NAV1: variants seen among roughly 807,000 people sequenced by gnomAD.
The protein encoded by NAV1 is pore membrane and/or filament interacting like protein 3.
In NAV1, 18 loss-of-function variants were observed where a neutral mutation model predicts 175.2. That is an observed-to-expected ratio of 0.10 (90% confidence interval 0.07 to 0.15). The LOEUF (loss-of-function observed/expected upper bound fraction) is 0.15. Ranked by LOEUF, NAV1 falls within the 10% of genes least tolerant of loss-of-function variation. The pLI is 1.00. For synonymous variants in NAV1, 897 were observed against 978.7 expected (o/e 0.92, Z 1.56); for missense variants, 1,731 against 2,436.6 (o/e 0.71, Z 6.10).
upstream of NAV1, among the ~76,000 whole-genome samples, chr1:201,620,307 C>T (rs1289826145): frequency 1.3e-5 from 2 of 152,184 alleles, no homozygotes; most frequent in Non-Finnish European, 2.9e-5. Flanking sequence ...TTGTCTTCAT[C>T]TTCATCCAAT....
intron 2 of NAV1, among the ~76,000 whole-genome samples, chr1:201,608,560 C>T (rs1208348157): frequency 1.3e-5 from 2 of 152,174 alleles, no homozygotes; most frequent in African/African-American, 4.8e-5. Context: ...CTGGGTCTGC[C>T]CAGCATGACA....
chr1:201,809,814 T>C, intron 22 of NAV1, 132 bp from the exon 27 acceptor site: 2 of 933,944 alleles, frequency 2.1e-6, no homozygotes, highest in South Asian at 1.7e-5. Flanking sequence ...TATGGAGAAA[T>C]GCTACCTAGG....
chr1:201,649,443 GC>G lies in NAV1; in HGVS notation c.757+22del, dbSNP rs1466431241. On this transcript the variant is annotated intron_variant, in intron 1 of 29. Coordinates refer to ENST00000367296, the Ensembl canonical transcript of NAV1. ...GATGCTGGGTAAGTCCTGCCGCCCC[GC>G]CCCGCCCCGCCCCTGGCTTTCTCCT... 2 of 753,666 alleles carry G rather than the reference GC, an allele frequency of 2.7e-6. No homozygotes were observed. Among genetic ancestry groups the G allele is most frequent in the Non-Finnish European group, 4.2e-6 (2 of 481,306 alleles). The allele number at this position is 753,666 out of a possible 1,614,324, so 46.7% of individuals were successfully genotyped here. A position where few individuals can be genotyped will look rare whatever the true frequency, so the allele number is the denominator to read the frequency against.
In NAV1 at chr1:201,790,674, C is replaced by A; in HGVS notation, c.3244-15C>A. The A allele has an allele frequency of 6.2e-7, 1 of 1,614,076 alleles. No homozygotes were observed. The highest frequency in any genetic ancestry group is 1.1e-5 in the South Asian group (1 of 91,082). ...CTTCTGCAGCCAGTAGTTTGTATTT[C>A]TCTTCCTTTTACAGCAAATCCGGAA... On this transcript the variant is annotated splice_polypyrimidine_tract_variant and intron_variant, in intron 12 of 29. Transcript: ENST00000367296.
intron 1 of NAV1, among the ~76,000 whole-genome samples, chr1:201,572,137 T>C (rs555187952): frequency 2.6e-5 from 4 of 152,240 alleles, no homozygotes; most frequent in South Asian, 2.1e-4. Flanking sequence ...GGAGAAGTTA[T>C]GGGATTCATC....
chr1:201,613,227 C>A (rs549564639), intron 2 of NAV1, among the ~76,000 whole-genome samples: 2 of 152,188 alleles, frequency 1.3e-5, no homozygotes, highest in African/African-American at 4.8e-5. Context: ...TCTTACTAAC[C>A]CATGCCACAG....
At chr1:201,799,502 G>C (rs1677703752) in intron 15 of NAV1, among the ~76,000 whole-genome samples, 1 of 152,100 alleles carries the variant, frequency 6.6e-6, no homozygotes, top group African/African-American at 2.4e-5. Context: ...AATTCAAAAT[G>C]CACAAGAGGT....
chr1:201,726,672 A>G (rs914855911), intron 3 of NAV1, among the ~76,000 whole-genome samples: 4 of 151,834 alleles, frequency 2.6e-5, no homozygotes, highest in African/African-American at 9.7e-5. Flanking sequence ...AAAAATAGAA[A>G]TCTATTATTC....
chr1:201,671,727 G>T lies in NAV1; in HGVS notation c.757+22302G>T, dbSNP rs560631702. Reference sequence around the variant, plus strand: ...CTCTAGGCAGTGGGCATTTCTCACAGAATCTCCTAGCTATCTGGTCAGCAG... The same window carrying T: ...CTCTAGGCAGTGGGCATTTCTCACATAATCTCCTAGCTATCTGGTCAGCAG... On this transcript the variant is annotated intron_variant, in intron 1 of 29. Transcript: ENST00000367296. Among the ~76,000 whole-genome samples the T allele has an allele frequency of 3.9e-5, 6 of 152,302 alleles. No homozygotes were observed. The East Asian group carries it at 1.2e-3, about 29-fold the overall frequency.
At chr1:201,722,212 G>A (rs1672415507) in intron 3 of NAV1, among the ~76,000 whole-genome samples, 1 of 152,044 alleles carries the variant, frequency 6.6e-6, no homozygotes, top group Non-Finnish European at 1.5e-5. Flanking sequence ...CCAGAATTCT[G>A]TCTTCTCCCC....
intron 1 of NAV1, among the ~76,000 whole-genome samples, chr1:201,584,808 T>C (rs1278240154): frequency 6.6e-6 from 1 of 152,114 alleles, no homozygotes; most frequent in Non-Finnish European, 1.5e-5. Flanking sequence ...CCCTGAGTCA[T>C]CCAGAGAAAG....
intron 3 of NAV1, among the ~76,000 whole-genome samples, chr1:201,752,535 A>G (rs1272233054): frequency 6.6e-6 from 1 of 152,098 alleles, no homozygotes; most frequent in Non-Finnish European, 1.5e-5. Context: ...CAAGAAAGAA[A>G]ACTTCACAAA....
intron 15 of NAV1, among the ~76,000 whole-genome samples, chr1:201,801,010 G>A (rs1571506213): frequency 1.3e-5 from 2 of 152,056 alleles, no homozygotes; most frequent in East Asian, 3.9e-4. Flanking sequence ...GTAATTATTT[G>A]TAGAGATGGG....
At chr1:201,594,497 G>A (rs1019339215) in intron 2 of NAV1, among the ~76,000 whole-genome samples, 4 of 152,218 alleles carry the variant, frequency 2.6e-5, no homozygotes, top group Non-Finnish European at 2.9e-5. Context: ...AGGCGAAGCC[G>A]GGTTAGTCTT....
At chr1:201,791,539 A>C (rs1165285105) in intron 13 of NAV1, 2 of 152,346 alleles carry the variant, frequency 1.3e-5, no homozygotes, top group East Asian at 1.9e-4. Flanking sequence ...AGCTGTAAAC[A>C]ACAGCTGAGC....
At chr1:201,551,999 T>C (rs1354433028) in intron 1 of NAV1, among the ~76,000 whole-genome samples, 1 of 152,138 alleles carries the variant, frequency 6.6e-6, no homozygotes, top group Non-Finnish European at 1.5e-5. Flanking sequence ...ATCTCCCCAC[T>C]TCCTCTTGCT....
intron 1 of NAV1, among the ~76,000 whole-genome samples, chr1:201,627,192 TCA>T (rs1331121951): frequency 6.6e-6 from 1 of 152,214 alleles, no homozygotes; most frequent in Non-Finnish European, 1.5e-5. Flanking sequence ...ACTTTTGGGC[TCA>T]AACAATTCTC....
At chr1:201,614,769 A>G (rs1667955390) in intron 2 of NAV1, among the ~76,000 whole-genome samples, 1 of 152,178 alleles carries the variant, frequency 6.6e-6, no homozygotes, top group Non-Finnish European at 1.5e-5. Context: ...GTCTGGAGCT[A>G]GACTGTTTGG....
At chr1:201,817,438 C>A (rs1679116403) in intron 29 of NAV1, 153 bp downstream of exon 33, 17 of 646,414 alleles carry the variant, frequency 2.6e-5, no homozygotes, top group Middle Eastern at 3.7e-4. Context: ...CATAATGAGA[C>A]CCTGTCTGTA....
Sources: allele counts gnomAD v4.1 joint callset (sites outside exome capture counted in the v4.1 genomes callset), GRCh38; gene constraint gnomAD v4.1.1; transcripts MANE v1.5; gene names NCBI Gene and HGNC (gene_info 2026-07-23, HGNC 2026-07-21).